Variants in TRPM3 observed in about 807,000 individuals in gnomAD.
The protein encoded by TRPM3 is transient receptor potential cation channel subfamily M member 3, also known as long transient receptor potential channel 3.
A neutral mutation model predicts 181.2 loss-of-function variants in TRPM3; 77 were observed. That is an observed-to-expected ratio of 0.42 (90% CI 0.35 to 0.51). TRPM3 has a LOEUF of 0.51. TRPM3 is among the 20% of genes least tolerant of loss of function. The pLI, the probability that TRPM3 is intolerant of heterozygous loss-of-function variation, is 0.01. For missense variants in TRPM3, 1,759 were observed against 2,196.7 expected, an observed-to-expected ratio of 0.80 and a Z score of 3.98; for synonymous variants, 745 against 796.4, an observed-to-expected ratio of 0.94 and a Z score of 1.09.
Position 71,369,565 on chromosome 9 carries a change from G to A in TRPM3, c.183+77088C>T, listed in dbSNP as rs12344936. 1.7e-3 allele frequency among the ~76,000 whole-genome samples: 257 copies of A among 152,190 alleles called. 1 individual carries two copies. The highest frequency in any genetic ancestry group is 5.9e-3 in the African/African-American group (243 of 41,530). On this transcript the variant is annotated intron_variant, in intron 1 of 24. Coordinates refer to the TRPM3 transcript ENST00000357533. ...TGTCGCCAGGCTGGAGTGCAGTGGC[G>A]CGATCTCAGCTCACTGCAACCTCCG...
chr9:71,149,867 GTGGGAGGA>G (rs2075635621), intron 1 of TRPM3, among the ~76,000 whole-genome samples: 1 of 152,068 alleles, frequency 6.6e-6, no homozygotes, highest in Non-Finnish European at 1.5e-5. Context: ...GGAGGCTGAG[GTGGGAGGA>G]TGGCTTGTGC....
intron 1 of TRPM3, among the ~76,000 whole-genome samples, chr9:71,443,381 C>T (rs1300127949): frequency 6.6e-6 from 1 of 151,252 alleles, no homozygotes; most frequent in African/African-American, 2.4e-5. Flanking sequence ...ATTTGTTAGA[C>T]ACACCCACTA....
At chr9:71,188,945 G>T (rs1359639317) in intron 1 of TRPM3, among the ~76,000 whole-genome samples, 1 of 151,876 alleles carries the variant, frequency 6.6e-6, no homozygotes, top group African/African-American at 2.4e-5. Flanking sequence ...GTGATATTTT[G>T]TGGGCATGTC....
intron 1 of TRPM3, among the ~76,000 whole-genome samples, chr9:71,088,329 G>A (rs1445437170): frequency 6.6e-6 from 1 of 152,052 alleles, no homozygotes; most frequent in African/African-American, 2.4e-5. Context: ...CAGATGGCAA[G>A]GAAGGAACTG....
intron 1 of TRPM3, among the ~76,000 whole-genome samples, chr9:71,172,954 C>A (rs2076938266): frequency 6.6e-6 from 1 of 152,142 alleles, no homozygotes; most frequent in South Asian, 2.1e-4. Context: ...AGTAAGTGGG[C>A]ATAAACACAC....
chr9:71,395,198 C>T (rs2093161619), intron 1 of TRPM3, among the ~76,000 whole-genome samples: 1 of 152,190 alleles, frequency 6.6e-6, no homozygotes, highest in Non-Finnish European at 1.5e-5. Flanking sequence ...TCTATCTTCT[C>T]AATGAAATTT....
chr9:71,391,141 A>C (rs1376729797), intron 1 of TRPM3, among the ~76,000 whole-genome samples: 2 of 144,582 alleles, frequency 1.4e-5, no homozygotes, highest in African/African-American at 5.5e-5. Context: ...CTGCCTGAAC[A>C]AAAAAAGGAA....
intron 1 of TRPM3, among the ~76,000 whole-genome samples, chr9:71,405,923 A>G (rs532405086): frequency 3.3e-5 from 5 of 152,364 alleles, no homozygotes; most frequent in African/African-American, 1.2e-4. Context: ...GTAATAGAAT[A>G]AAAACAAGAA....
intron 1 of TRPM3, among the ~76,000 whole-genome samples, chr9:71,310,473 A>G (rs2087815982): frequency 6.6e-6 from 1 of 152,058 alleles, no homozygotes; most frequent in African/African-American, 2.4e-5. Flanking sequence ...AAATCTCTGG[A>G]GGGGCAAAGG....
chr9:71,064,802 T>C (rs1309009879), intron 1 of TRPM3, among the ~76,000 whole-genome samples: 1 of 152,142 alleles, frequency 6.6e-6, no homozygotes, highest in Non-Finnish European at 1.5e-5. Context: ...GAGCCAAAAT[T>C]CCATTAGTTC....
chr9:70,681,409 G>A lies in TRPM3; in HGVS notation c.1345+97C>T, dbSNP rs937688183. 47 of 992,448 alleles carry A rather than the reference G, an allele frequency of 4.7e-5. No homozygotes were observed. In the South Asian group the frequency reaches 6.3e-4, roughly 13 times the overall value. The allele number at this position is 992,448 out of a possible 1,614,324, so 61.5% of individuals were successfully genotyped here. A position where few individuals can be genotyped will look rare whatever the true frequency, so the allele number is the denominator to read the frequency against. Reference sequence around the variant, plus strand: ...GTTATCAATAATTTATTGTGTCATAGTATCATTTGGGATTATATCTATTAT... The same window carrying A: ...GTTATCAATAATTTATTGTGTCATAATATCATTTGGGATTATATCTATTAT... On this transcript the variant is annotated intron_variant, in intron 9 of 25. Transcript: ENST00000677713.
chr9:70,616,936 C>T (rs1346794873), intron 17 of TRPM3, among the ~76,000 whole-genome samples: 1 of 152,156 alleles, frequency 6.6e-6, no homozygotes, highest in African/African-American at 2.4e-5. Flanking sequence ...TCCTCTCTCA[C>T]CTCTTCTCTC....
intron 1 of TRPM3, among the ~76,000 whole-genome samples, chr9:70,964,222 T>G (rs1481990693): frequency 6.6e-6 from 1 of 152,136 alleles, no homozygotes; most frequent in Non-Finnish European, 1.5e-5. Flanking sequence ...CTAAATTAGA[T>G]CATAAACTCC....
intron 7 of TRPM3, among the ~76,000 whole-genome samples, chr9:70,762,141 A>C (rs11142569): frequency 0.22 from 33,345 of 152,122 alleles, 4,490 homozygotes; most frequent in Non-Finnish European, 0.3. Context: ...TTGCAGCGTC[A>C]TGTCTAATTG....
At chr9:70,657,724 A>C (rs1460209635) in intron 9 of TRPM3, among the ~76,000 whole-genome samples, 1 of 152,144 alleles carries the variant, frequency 6.6e-6, no homozygotes, top group Non-Finnish European at 1.5e-5. Flanking sequence ...TTTACTCCTG[A>C]GTCTAAAAAG....
intron 1 of TRPM3, among the ~76,000 whole-genome samples, chr9:71,229,081 T>C (rs1480042250): frequency 1.3e-5 from 2 of 152,064 alleles, no homozygotes; most frequent in African/African-American, 2.4e-5. Flanking sequence ...TACAGAGCTA[T>C]AGCAACCCAG....
intron 1 of TRPM3, among the ~76,000 whole-genome samples, chr9:71,352,029 C>A (rs2091666765): frequency 6.6e-6 from 1 of 151,918 alleles, no homozygotes; most frequent in African/African-American, 2.4e-5. Context: ...GCACCCGCCA[C>A]CACACCCGGC....
chr9:70,590,933 G>A, intron 22 of TRPM3, 98 bp downstream of exon 22: 2 of 1,516,098 alleles, frequency 1.3e-6, no homozygotes, highest in Non-Finnish European at 1.8e-6. Flanking sequence ...TCTATCTTGA[G>A]CCATTTATTG....
chr9:71,268,941 G>T (rs2083583243), intron 1 of TRPM3, among the ~76,000 whole-genome samples: 1 of 152,200 alleles, frequency 6.6e-6, no homozygotes, highest in African/African-American at 2.4e-5. Flanking sequence ...AGAGGAGTAA[G>T]GTTAGAGGCC....
Sources: gnomAD v4.1 joint callset for allele counts (sites outside exome capture counted in the v4.1 genomes callset) on GRCh38, gnomAD v4.1.1 for gene constraint, MANE v1.5 for transcripts, NCBI Gene and HGNC (gene_info 2026-07-23, HGNC 2026-07-21) for gene names.